VPS50: variants seen among roughly 807,000 people sequenced by gnomAD.
VPS50 encodes the protein VPS50 subunit of EARP/GARPII complex.
A neutral mutation model predicts 139.7 loss-of-function variants in VPS50; 70 were observed. The observed-to-expected ratio is 0.50, with a 90% confidence interval of 0.41 to 0.61. VPS50 has a LOEUF of 0.61. Ranked by LOEUF, VPS50 falls within the 20% of genes least tolerant of loss-of-function variation. The pLI, the probability that VPS50 is intolerant of heterozygous loss-of-function variation, is 0.00. For missense variants in VPS50, 921 were observed against 1,133.7 expected, an observed-to-expected ratio of 0.81 and a Z score of 2.69; for synonymous variants, 365 against 376.7, an observed-to-expected ratio of 0.97 and a Z score of 0.36.
intron 2 of VPS50, among the ~76,000 whole-genome samples, chr7:93,240,251 T>A (rs5014374): frequency 0.21 from 28,804 of 137,244 alleles, 4,136 homozygotes; most frequent in African/African-American, 0.43. Context: ...ACACACACAC[T>A]CTCTCTCTCT....
intron 12 of VPS50, among the ~76,000 whole-genome samples, chr7:93,277,055 TA>T (rs1330688934): frequency 1.3e-5 from 2 of 152,108 alleles, no homozygotes; most frequent in Admixed American, 1.3e-4. Flanking sequence ...AAAGCCCTGA[TA>T]CCAGGTAAGA....
At chr7:93,317,395 CAA>C (rs1391510939) in intron 20 of VPS50, among the ~76,000 whole-genome samples, 3 of 152,000 alleles carry the variant, frequency 2.0e-5, no homozygotes, top group Admixed American at 6.6e-5. Flanking sequence ...ACTAAAAATA[CAA>C]AAGTTAGCCA....
rs778917673 is a variant in VPS50 at position 93,253,892 on chromosome 7, A to G, written c.258A>G (p.Leu86=). Reference sequence around the variant, plus strand: ...CACCTGTTCTCAATTTGCAAGAATTAGAGGCGTATAGAGACAAATTGAAAC... The same window carrying G: ...CACCTGTTCTCAATTTGCAAGAATTGGAGGCGTATAGAGACAAATTGAAAC... ...KLPPVLNLQE[L]EAYRDKLKQQ... The change falls in exon 4 of 28, where the codon TTA becomes TTG. Residue 86 remains leucine (L), a synonymous_variant. Coordinates refer to ENST00000305866, the MANE Select transcript of VPS50 (RefSeq NM_017667.4). 1.9e-6 allele frequency: 3 copies of G among 1,601,044 alleles called. No individual in the cohort carries two copies. The highest frequency in any genetic ancestry group is 2.6e-6 in the Non-Finnish European group (3 of 1,170,558).
rs771879979 is a variant in VPS50, at chr7:93,349,920, G to A, written c.2350G>A (p.Val784Ile). 3.7e-6 allele frequency: 6 copies of A among 1,613,358 alleles called. No homozygotes were observed. The highest frequency in any genetic ancestry group is 5.1e-6 in the Non-Finnish European group (6 of 1,179,528). ...ACTACGGAAACCAATTTACTGGATT[G>A]TAGCTGGTAAAGCCCTTGATTATGA... is the stretch of plus-strand genomic sequence containing the variant. ...SELRKPIYWI[V>I]AGKALDYEQM... Residue 784 changes from valine to isoleucine, a missense_variant, in exon 25 of 28, where the codon GTA (valine) becomes ATA (isoleucine). Physicochemically the swap from Val to Ile is conservative, Grantham distance 29 (BLOSUM62 3). Around this residue, in one of 3 missense-constraint regions of VPS50, gnomAD observed 744 missense variants for 930.6 expected, o/e 0.80. Transcript: ENST00000305866.
chr7:93,266,713 G>A (rs888812108), intron 9 of VPS50, among the ~76,000 whole-genome samples: 1 of 152,156 alleles, frequency 6.6e-6, no homozygotes, highest in Non-Finnish European at 1.5e-5. Flanking sequence ...ATTTATCAAA[G>A]TGTTTATGAA....
chr7:93,332,731 T>C (rs1289011452), intron 21 of VPS50, among the ~76,000 whole-genome samples: 1 of 152,160 alleles, frequency 6.6e-6, no homozygotes, highest in Non-Finnish European at 1.5e-5. Flanking sequence ...ATTGACCGAA[T>C]CAGTAAACTG....
At chr7:93,261,405 C>T (rs1182518495) in intron 9 of VPS50, among the ~76,000 whole-genome samples, 11 of 152,028 alleles carry the variant, frequency 7.2e-5, no homozygotes, top group Admixed American at 4.6e-4. Context: ...AGGCCGGGCG[C>T]GGTGGCTCAC....
chr7:93,294,774 T>C, intron 14 of VPS50, 138 bp downstream of exon 14: 3 of 661,420 alleles, frequency 4.5e-6, no homozygotes, highest in Non-Finnish European at 7.2e-6. Flanking sequence ...AATTAGGCTA[T>C]CATTTAATTT....
chr7:93,242,697 A>G (rs187763911), intron 2 of VPS50, among the ~76,000 whole-genome samples: 159 of 152,100 alleles, frequency 1.0e-3, no homozygotes, highest in African/African-American at 3.5e-3. Flanking sequence ...TAAAAAACAT[A>G]TGCCTGGTCT....
In VPS50 at chr7:93,353,724, C is replaced by T. The variant is rs1355875717; in HGVS notation, c.2548C>T (p.His850Tyr). The T allele has an allele frequency of 6.2e-7, 1 of 1,611,834 alleles. No individual in the cohort carries two copies. The highest frequency in any genetic ancestry group is 8.5e-7 in the Non-Finnish European group (1 of 1,178,498). The change falls in exon 26 of 28, where the codon CAT becomes TAT. Residue 850 changes from histidine to tyrosine, a missense_variant. His to Tyr is a moderately conservative substitution (Grantham distance 83, BLOSUM62 2). This residue lies in a region of VPS50 where 158 missense variants were observed against 156.3 expected (regional missense o/e 1.01). Transcript: ENST00000305866. Reference sequence around the variant, plus strand: ...GCCTGTGTCTAATATACTTTGGGAACATTGTATACGATTGGCTAATCGAAC... The same window carrying T: ...GCCTGTGTCTAATATACTTTGGGAATATTGTATACGATTGGCTAATCGAAC... ...PLPVSNILWE[H>Y]CIRLANRTIV...
intron 12 of VPS50, among the ~76,000 whole-genome samples, chr7:93,281,053 T>C (rs907848595): frequency 4.6e-5 from 7 of 152,286 alleles, no homozygotes; most frequent in African/African-American, 1.7e-4. Context: ...ATTGCCATAT[T>C]TGTCTCCAAC....
chr7:93,237,490 A>ATTGT (rs937826379), intron 1 of VPS50, among the ~76,000 whole-genome samples: 4 of 152,112 alleles, frequency 2.6e-5, no homozygotes, highest in Admixed American at 2.0e-4. Flanking sequence ...TTGGTATTGA[A>ATTGT]TTGTTGTGTG....
chr7:93,322,769 C>T (rs1410576178), intron 20 of VPS50, among the ~76,000 whole-genome samples: 1 of 152,050 alleles, frequency 6.6e-6, no homozygotes, highest in Admixed American at 6.6e-5. Context: ...TGCTTCTTTT[C>T]CTCTTATTTC....
intron 2 of VPS50, among the ~76,000 whole-genome samples, chr7:93,251,045 A>T (rs1795310259): frequency 1.3e-5 from 2 of 152,284 alleles, no homozygotes; most frequent in East Asian, 1.9e-4. Context: ...GCTGGAGAGG[A>T]TGTGGAGAAA....
intron 21 of VPS50, 53 bp from the exon 22 acceptor site, chr7:93,334,064 A>T: frequency 1.0e-6 from 1 of 977,942 alleles, no homozygotes; most frequent in Non-Finnish European, 1.6e-6. Context: ...TTGAAGATGT[A>T]ACATTTGCAA....
intron 12 of VPS50, among the ~76,000 whole-genome samples, chr7:93,279,580 T>A (rs1326870831): frequency 7.2e-5 from 11 of 152,198 alleles, no homozygotes. Flanking sequence ...TAAAAATAAC[T>A]GATAATAATT....
At chr7:93,234,651 A>C (rs1794744312) in intron 1 of VPS50, among the ~76,000 whole-genome samples, 1 of 152,220 alleles carries the variant, frequency 6.6e-6, no homozygotes, top group Non-Finnish European at 1.5e-5. Flanking sequence ...GATTACAAGT[A>C]AGTATACATG....
At chr7:93,352,549 T>C (rs1798590315) in intron 25 of VPS50, among the ~76,000 whole-genome samples, 1 of 152,176 alleles carries the variant, frequency 6.6e-6, no homozygotes, top group South Asian at 2.1e-4. Flanking sequence ...TTGTTAAACA[T>C]TGTGTAGCTT....
intron 2 of VPS50, among the ~76,000 whole-genome samples, chr7:93,243,574 G>A (rs1299610917): frequency 6.6e-6 from 1 of 151,938 alleles, no homozygotes; most frequent in East Asian, 1.9e-4. Flanking sequence ...AATGGATTCT[G>A]TTATGTTTCA....
Sources: gnomAD v4.1 joint callset for allele counts (sites outside exome capture counted in the v4.1 genomes callset) on GRCh38, gnomAD v4.1.1 for gene constraint, gnomAD v4.1.1 regional missense constraint, MANE v1.5 for transcripts, NCBI Gene and HGNC (gene_info 2026-07-23, HGNC 2026-07-21) for gene names.